Variants in CACNB2 observed in about 807,000 individuals in gnomAD.
The protein encoded by CACNB2 is voltage-dependent L-type calcium channel subunit beta-2.
CACNB2 carries 42 observed loss-of-function variants against 73.3 expected under a neutral mutation model. That is an observed-to-expected ratio of 0.57 (90% confidence interval 0.45 to 0.74). CACNB2 has a LOEUF of 0.74. CACNB2 is among the 30% of genes least tolerant of loss of function. The probability of loss-of-function intolerance (pLI) is 0.00; values close to 1 mark genes in which losing one functional copy is unlikely to be tolerated. For synonymous variants in CACNB2, 348 were observed against 310.3 expected (o/e 1.12, Z -1.28); for missense variants, 940 against 853.0 (o/e 1.10, Z -1.27).
At chr10:18,221,212 A>G (rs1029116308) in intron 2 of CACNB2, among the ~76,000 whole-genome samples, 2 of 152,170 alleles carry the variant, frequency 1.3e-5, no homozygotes, top group African/African-American at 4.8e-5. Context: ...ACCTGCTTCC[A>G]TTCTAGCGTG....
chr10:18,438,896 G>C (rs771350228), intron 3 of CACNB2, among the ~76,000 whole-genome samples: 5 of 152,188 alleles, frequency 3.3e-5, no homozygotes, highest in African/African-American at 1.2e-4. Flanking sequence ...TATAAATACA[G>C]CTCTTCCAAA....
chr10:18,254,188 G>T (rs532280341), intron 2 of CACNB2, among the ~76,000 whole-genome samples: 2 of 152,156 alleles, frequency 1.3e-5, no homozygotes, highest in Non-Finnish European at 1.5e-5. Context: ...TTTGAGCTAC[G>T]CAATTAAAAA....
chr10:18,442,781 C>T (rs1381438728), intron 3 of CACNB2, among the ~76,000 whole-genome samples: 1 of 148,722 alleles, frequency 6.7e-6, no homozygotes, highest in Non-Finnish European at 1.5e-5. Context: ...GCCGAGATGG[C>T]GCCATTGCAC....
At position 18,262,294 on chromosome 10, in the gene CACNB2, T is replaced by C. The variant is rs527282816; in HGVS notation, c.213+111319T>C. Among the ~76,000 whole-genome samples, 12 of 74,318 alleles carry C rather than the reference T, an allele frequency of 1.6e-4. No homozygotes were observed. The East Asian group carries it at 5.4e-3, about 33-fold the overall frequency. 48.8% of individuals were successfully genotyped at this position (74,318 alleles called of 152,430 possible). ...TCAAAATCTGATATGATCTCAATAA[T>C]AAAGTTGGAAATGGTGACGGGGTGG... On this transcript the variant is annotated intron_variant, in intron 2 of 13. Transcript: ENST00000324631.
intron 3 of CACNB2, among the ~76,000 whole-genome samples, chr10:18,475,123 A>G (rs2048375425): frequency 6.6e-6 from 1 of 150,974 alleles, no homozygotes; most frequent in South Asian, 2.1e-4. Context: ...GAGGGATGGG[A>G]GAGGGTGCAG....
intron 10 of CACNB2, among the ~76,000 whole-genome samples, chr10:18,530,512 G>T (rs2052897326): frequency 3.4e-5 from 2 of 58,902 alleles, no homozygotes; most frequent in Non-Finnish European, 7.1e-5. Flanking sequence ...GTACAAAAAT[G>T]CAAAAAAAAA....
At chr10:18,509,970 A>C (rs1241290013) in intron 6 of CACNB2, among the ~76,000 whole-genome samples, 1 of 152,244 alleles carries the variant, frequency 6.6e-6, no homozygotes. Context: ...TAAAAAGAGT[A>C]ACATTTCTCA....
chr10:18,438,183 A>AGTTTTTT, intron 3 of CACNB2, among the ~76,000 whole-genome samples: 1 of 93,966 alleles, frequency 1.1e-5, no homozygotes, highest in South Asian at 4.5e-4. Flanking sequence ...ACACCTGGCG[A>AGTTTTTT]TTTTTTTTTT....
chr10:18,376,607 T>C (rs1376855203), intron 2 of CACNB2, among the ~76,000 whole-genome samples: 1 of 151,870 alleles, frequency 6.6e-6, no homozygotes, highest in African/African-American at 2.4e-5. Context: ...AGGCTTAGAG[T>C]GGTTTTAGGG....
chr10:18,207,867 T>C (rs2035159233), intron 2 of CACNB2, among the ~76,000 whole-genome samples: 2 of 152,128 alleles, frequency 1.3e-5, no homozygotes, highest in Non-Finnish European at 2.9e-5. Context: ...TACAAATAAG[T>C]AAAAAGAATC....
At chr10:18,414,496 T>C (rs1418741678) in intron 3 of CACNB2, among the ~76,000 whole-genome samples, 1 of 84,616 alleles carries the variant, frequency 1.2e-5, no homozygotes, top group Non-Finnish European at 2.7e-5. Context: ...TTTTTTTTTT[T>C]TTTTTTTTTG....
intron 2 of CACNB2, among the ~76,000 whole-genome samples, chr10:18,333,578 C>T (rs1180032344): frequency 6.6e-6 from 1 of 152,090 alleles, no homozygotes; most frequent in Non-Finnish European, 1.5e-5. Flanking sequence ...TTGAGAAAAG[C>T]ATGTGTTGGC....
At chr10:18,319,069 C>G (rs904263050) in intron 2 of CACNB2, among the ~76,000 whole-genome samples, 2 of 152,114 alleles carry the variant, frequency 1.3e-5, no homozygotes, top group Non-Finnish European at 2.9e-5. Flanking sequence ...ACCAGAAATA[C>G]CATTTGACCC....
chr10:18,150,885 A>G lies in CACNB2; in HGVS notation c.123A>G (p.Ser41=), dbSNP rs749020726. The G allele has an allele frequency of 3.4e-6, 2 of 592,122 alleles. No individual in the cohort carries two copies. Among genetic ancestry groups the G allele is most frequent in the Middle Eastern group, 4.9e-4 (1 of 2,034 alleles). The allele number at this position is 592,122 out of a possible 1,614,324, so 36.7% of individuals were successfully genotyped here. Residue 41 remains serine, a splice_region_variant and synonymous_variant, in exon 2 of 14, where the codon TCA becomes TCG. Coordinates refer to ENST00000324631, the MANE Select transcript of CACNB2 (RefSeq NM_201596.3). ...TTTTTTTTTTTTTTTTTTTTTAGTC[A>G]TATGGAAAAGGAGCCAGAAGGAAAA... ...PAGALGAAAQ[S]YGKGARRKNR...
At chr10:18,518,543 C>A in intron 8 of CACNB2, 127 bp downstream of exon 8, 1 of 763,682 alleles carries the variant, frequency 1.3e-6, no homozygotes, top group Non-Finnish European at 2.4e-6. Flanking sequence ...TTAGAGAGCT[C>A]ACAGCAGCAA....
At chr10:18,150,853 G>GTGTTTTTTTT in intron 1 of CACNB2, 30 bp from the exon 2 acceptor site, 1 of 655,040 alleles carries the variant, frequency 1.5e-6, no homozygotes, top group Non-Finnish European at 2.1e-6. Flanking sequence ...AATCTTATTT[G>GTGTTTTTTTT]TCTTTTTTTT....
chr10:18,334,524 C>T (rs1564445297), intron 2 of CACNB2, among the ~76,000 whole-genome samples: 1 of 152,202 alleles, frequency 6.6e-6, no homozygotes, highest in Non-Finnish European at 1.5e-5. Context: ...TTCACATTGA[C>T]AGCTTTGACA....
At chr10:18,361,758 G>A (rs1338199749) in intron 2 of CACNB2, among the ~76,000 whole-genome samples, 1 of 151,856 alleles carries the variant, frequency 6.6e-6, no homozygotes, top group Non-Finnish European at 1.5e-5. Flanking sequence ...GATTACAGGT[G>A]CATGCCATCA....
intron 2 of CACNB2, among the ~76,000 whole-genome samples, chr10:18,185,741 T>A (rs1405496081): frequency 6.6e-6 from 1 of 152,178 alleles, no homozygotes; most frequent in African/African-American, 2.4e-5. Flanking sequence ...TTGCGTAGCT[T>A]TCTTTGCATA....
Sources: gnomAD v4.1 joint callset for allele counts (sites outside exome capture counted in the v4.1 genomes callset) on GRCh38, gnomAD v4.1.1 for gene constraint, MANE v1.5 for transcripts, NCBI Gene and HGNC (gene_info 2026-07-23, HGNC 2026-07-21) for gene names.